Variants in CIMIP6 observed in about 807,000 individuals in gnomAD.
CIMIP6 encodes uncharacterized protein C2orf73.
the CIMIP6 span, among the ~76,000 whole-genome samples, chr2:54,350,287 C>T: frequency 1.3e-5 from 2 of 152,246 alleles, no homozygotes; most frequent in African/African-American, 2.4e-5. Context: ...CAAGCTACCT[C>T]AAATTTAATT....
At chr2:54,354,805 C>T in the CIMIP6 span, among the ~76,000 whole-genome samples, 1 of 151,522 alleles carries the variant, frequency 6.6e-6, no homozygotes, top group African/African-American at 2.4e-5. Flanking sequence ...CATTGTACTA[C>T]TTTTTTCTTT....
chr2:54,354,363 G>T, the CIMIP6 span, among the ~76,000 whole-genome samples: 1 of 152,048 alleles, frequency 6.6e-6, no homozygotes, highest in Non-Finnish European at 1.5e-5. Context: ...GTATGACATT[G>T]CTCAAAATAT....
chr2:54,331,084 C>A, the CIMIP6 span: 2 of 1,366,518 alleles, frequency 1.5e-6, no homozygotes, highest in Non-Finnish European at 2.1e-6. Flanking sequence ...CCAGCATGGA[C>A]AGTCCAGGCC....
At chr2:54,359,052 C>A in the CIMIP6 span, 1 of 1,528,726 alleles carries the variant, frequency 6.5e-7, no homozygotes, top group East Asian at 2.4e-5. Context: ...AGAAAAACTC[C>A]GAATGAGCCT....
the CIMIP6 span, chr2:54,381,794 C>G: frequency 6.7e-7 from 1 of 1,501,068 alleles, no homozygotes. Flanking sequence ...GATTGTAAAC[C>G]ATCAGACTTT....
At chr2:54,336,881 G>A in the CIMIP6 span, among the ~76,000 whole-genome samples, 1 of 152,190 alleles carries the variant, frequency 6.6e-6, no homozygotes, top group Admixed American at 6.5e-5. Flanking sequence ...CTAAACATTA[G>A]CTCTTAGTAG....
At chr2:54,353,099 TCTC>T in the CIMIP6 span, among the ~76,000 whole-genome samples, 2 of 152,202 alleles carry the variant, frequency 1.3e-5, no homozygotes, top group Non-Finnish European at 2.9e-5. Flanking sequence ...CTTATGTAGA[TCTC>T]CTTGCAGTAG....
chr2:54,371,023 T>G, the CIMIP6 span, among the ~76,000 whole-genome samples: 5 of 152,218 alleles, frequency 3.3e-5, no homozygotes, highest in African/African-American at 1.2e-4. Flanking sequence ...TCTTTGTAAT[T>G]CAGGAAAAAT....
the CIMIP6 span, among the ~76,000 whole-genome samples, chr2:54,351,690 T>C: frequency 2.1e-3 from 317 of 152,256 alleles, 3 homozygotes; most frequent in African/African-American, 7.2e-3. Flanking sequence ...ACCTGGGTGA[T>C]AGAATAATCT....
At chr2:54,360,720 A>G in the CIMIP6 span, 3 of 741,472 alleles carry the variant, frequency 4.0e-6, no homozygotes, top group Non-Finnish European at 6.1e-6. Context: ...ATACAACCAA[A>G]TGTTATTAAT....
At chr2:54,364,827 C>T in the CIMIP6 span, among the ~76,000 whole-genome samples, 1 of 152,248 alleles carries the variant, frequency 6.6e-6, no homozygotes, top group Non-Finnish European at 1.5e-5. Context: ...AAGCACCCAT[C>T]ATCCCGAACA....
At chr2:54,348,591 T>A in the CIMIP6 span, among the ~76,000 whole-genome samples, 66 of 152,314 alleles carry the variant, frequency 4.3e-4, no homozygotes, top group African/African-American at 1.5e-3. Flanking sequence ...AATATAGGCC[T>A]GCAATTTATT....
At chr2:54,360,308 C>T in the CIMIP6 span, 1 of 1,611,820 alleles carries the variant, frequency 6.2e-7, no homozygotes, top group East Asian at 2.2e-5. Flanking sequence ...TTCATCAGAA[C>T]AGTCCAAAAA....
chr2:54,381,119 T>C, the CIMIP6 span, among the ~76,000 whole-genome samples: 4 of 152,144 alleles, frequency 2.6e-5, no homozygotes. Flanking sequence ...GAATTTGAGA[T>C]CACATTTCCC....
At chr2:54,352,067 T>G in the CIMIP6 span, among the ~76,000 whole-genome samples, 1 of 152,158 alleles carries the variant, frequency 6.6e-6, no homozygotes, top group Non-Finnish European at 1.5e-5. Context: ...ATACTGTTTA[T>G]AAACTTAATC....
the CIMIP6 span, chr2:54,360,254 G>C: frequency 6.2e-7 from 1 of 1,610,402 alleles, no homozygotes; most frequent in Non-Finnish European, 8.5e-7. Context: ...TAGGCCAACA[G>C]TTCCTAAAGG....
At chr2:54,380,775 T>C in the CIMIP6 span, among the ~76,000 whole-genome samples, 8 of 152,138 alleles carry the variant, frequency 5.3e-5, no homozygotes, top group African/African-American at 1.7e-4. Context: ...ATACGCATGA[T>C]TACACCCATG....
At chr2:54,349,866 T>G in the CIMIP6 span, among the ~76,000 whole-genome samples, 2 of 145,716 alleles carry the variant, frequency 1.4e-5, no homozygotes, top group Admixed American at 6.8e-5. Context: ...TTTTTTTTTT[T>G]GAGACGGAGT....
the CIMIP6 span, among the ~76,000 whole-genome samples, chr2:54,367,091 G>T: frequency 2.6e-5 from 4 of 152,018 alleles, no homozygotes; most frequent in East Asian, 7.7e-4. Context: ...TAATCACTGT[G>T]CTTCATCATT....
Sources: allele counts gnomAD v4.1 joint callset (sites outside exome capture counted in the v4.1 genomes callset), GRCh38; gene constraint gnomAD v4.1.1; transcripts MANE v1.5; gene names NCBI Gene and HGNC (gene_info 2026-07-23, HGNC 2026-07-21).